The following SHISA9 variants were observed in gnomAD, a reference collection of about 807,000 sequenced individuals.
The protein encoded by SHISA9 is protein shisa-9.
Under a neutral mutation model 38.0 loss-of-function variants are expected in SHISA9, and 13 were observed. That is an observed-to-expected ratio of 0.34 (90% CI 0.22 to 0.54). The LOEUF (loss-of-function observed/expected upper bound fraction) is 0.54. Among genes scored for constraint, SHISA9 ranks in the 20% least tolerant of loss-of-function variants. The pLI is 0.91. For synonymous variants in SHISA9, 275 were observed against 242.0 expected (o/e 1.14, Z -1.27); for missense variants, 538 against 575.8 (o/e 0.93, Z 0.67).
At chr16:13,179,844 T>C (rs1419385690) in intron 2 of SHISA9, among the ~76,000 whole-genome samples, 1 of 152,230 alleles carries the variant, frequency 6.6e-6, no homozygotes, top group Non-Finnish European at 1.5e-5. Context: ...CTACTGCGTC[T>C]TCCTGGCAGG....
chr16:13,114,546 A>G (rs1298401748), intron 2 of SHISA9, among the ~76,000 whole-genome samples: 1 of 152,034 alleles, frequency 6.6e-6, no homozygotes, highest in East Asian at 1.9e-4. Flanking sequence ...CCTCAAATCA[A>G]TAATTGTTAA....
intron 2 of SHISA9, among the ~76,000 whole-genome samples, chr16:13,036,717 G>T (rs1051343135): frequency 1.3e-5 from 2 of 150,382 alleles, no homozygotes; most frequent in African/African-American, 4.9e-5. Context: ...TATATGGGTT[G>T]ACAGAATCAG....
intron 2 of SHISA9, among the ~76,000 whole-genome samples, chr16:13,180,189 T>G (rs749860191): frequency 6.6e-6 from 1 of 152,238 alleles, no homozygotes; most frequent in African/African-American, 2.4e-5. Flanking sequence ...AATACTTGGC[T>G]CCTATGAAAA....
At chr16:13,258,565 C>T in the SHISA9 span, 3 of 152,194 alleles carry the variant, frequency 2.0e-5, no homozygotes, top group Non-Finnish European at 4.4e-5. Context: ...AATTACTTTT[C>T]ATGCTGCTGA....
chr16:12,939,977 G>A (rs1038638689), intron 2 of SHISA9, among the ~76,000 whole-genome samples: 3 of 152,182 alleles, frequency 2.0e-5, no homozygotes, highest in Non-Finnish European at 4.4e-5. Flanking sequence ...CATATTTTCA[G>A]GAATACTGCC....
At chr16:13,486,184 GAA>G in the SHISA9 span, among the ~76,000 whole-genome samples, 1 of 152,178 alleles carries the variant, frequency 6.6e-6, no homozygotes, top group African/African-American at 2.4e-5. Flanking sequence ...CTAGAACTCA[GAA>G]AGAGACTTGG....
At chr16:13,561,851 C>G in the SHISA9 span, among the ~76,000 whole-genome samples, 1 of 151,396 alleles carries the variant, frequency 6.6e-6, no homozygotes, top group East Asian at 1.9e-4. Flanking sequence ...ATATTGGTTG[C>G]AATTCAAATT....
intron 1 of SHISA9, among the ~76,000 whole-genome samples, chr16:12,915,378 G>C (rs1316618477): frequency 3.3e-5 from 5 of 152,188 alleles, no homozygotes; most frequent in Admixed American, 3.3e-4. Flanking sequence ...TGAGGAGTTC[G>C]AGGCTGCTGT....
At chr16:13,103,875 C>T (rs1030148884) in intron 2 of SHISA9, among the ~76,000 whole-genome samples, 1 of 152,210 alleles carries the variant, frequency 6.6e-6, no homozygotes, top group African/African-American at 2.4e-5. Context: ...AAGGTGCTAA[C>T]TCTAAAGATT....
At chr16:13,361,260 C>G in the SHISA9 span, among the ~76,000 whole-genome samples, 1 of 152,170 alleles carries the variant, frequency 6.6e-6, no homozygotes, top group Non-Finnish European at 1.5e-5. Context: ...AGAGCTAACG[C>G]TTTTATTTTG....
chr16:13,436,817 C>T, the SHISA9 span, among the ~76,000 whole-genome samples: 7 of 152,120 alleles, frequency 4.6e-5, no homozygotes, highest in Non-Finnish European at 8.8e-5. Context: ...TGTTTGGCCA[C>T]GTGATTTGCT....
At chr16:13,526,024 A>G in the SHISA9 span, among the ~76,000 whole-genome samples, 1 of 152,246 alleles carries the variant, frequency 6.6e-6, no homozygotes, top group Non-Finnish European at 1.5e-5. Flanking sequence ...GTATATCAGA[A>G]TTAGCCACTG....
intron 2 of SHISA9, among the ~76,000 whole-genome samples, chr16:13,177,369 G>T (rs1278457827): frequency 3.9e-5 from 6 of 152,016 alleles, no homozygotes; most frequent in Non-Finnish European, 8.8e-5. Flanking sequence ...TGATCCTGTT[G>T]TGCAGACTCC....
chr16:13,433,790 C>T, the SHISA9 span, among the ~76,000 whole-genome samples: 48,039 of 152,114 alleles, frequency 0.32, 7,984 homozygotes, highest in South Asian at 0.5. Context: ...ACTGACTAAC[C>T]TACCTTGTAT....
At chr16:12,958,542 C>A (rs943909811) in intron 2 of SHISA9, among the ~76,000 whole-genome samples, 18 of 152,176 alleles carry the variant, frequency 1.2e-4, no homozygotes, top group Non-Finnish European at 8.8e-5. Flanking sequence ...AATAGATGGC[C>A]TGGTGTTGGA....
the SHISA9 span, among the ~76,000 whole-genome samples, chr16:13,358,250 G>A: frequency 2.0e-5 from 3 of 152,150 alleles, no homozygotes; most frequent in Admixed American, 2.0e-4. Flanking sequence ...GATTAGTGAT[G>A]TCTACCTGGG....
the SHISA9 span, among the ~76,000 whole-genome samples, chr16:13,281,506 A>G: frequency 6.6e-6 from 1 of 150,626 alleles, no homozygotes; most frequent in East Asian, 1.9e-4. Context: ...GATTGTATTT[A>G]AGTCAACTAT....
intron 4 of SHISA9, among the ~76,000 whole-genome samples, chr16:13,215,690 C>G (rs2051161291): frequency 6.6e-6 from 1 of 152,138 alleles, no homozygotes; most frequent in African/African-American, 2.4e-5. Flanking sequence ...GCTAACTTCA[C>G]CTGTCCTGCT....
chr16:13,489,561 C>G, the SHISA9 span, among the ~76,000 whole-genome samples: 13 of 152,232 alleles, frequency 8.5e-5, no homozygotes, highest in Admixed American at 8.5e-4. Context: ...CCATACTGTT[C>G]TCATGGTAGT....
Sources: allele counts gnomAD v4.1 joint callset (sites outside exome capture counted in the v4.1 genomes callset), GRCh38; gene constraint gnomAD v4.1.1; transcripts MANE v1.5; gene names NCBI Gene and HGNC (gene_info 2026-07-23, HGNC 2026-07-21).